NCOA2: variants seen among roughly 807,000 people sequenced by gnomAD.
NCOA2 encodes nuclear receptor coactivator 2, also known as class E basic helix-loop-helix protein 75.
Under a neutral mutation model 145.1 loss-of-function variants are expected in NCOA2, and 21 were observed. The ratio of observed to expected loss-of-function variants is 0.14; its 90% CI spans 0.10 to 0.21. The LOEUF is 0.21. Among genes scored for constraint, NCOA2 ranks in the 10% least tolerant of loss-of-function variants. The pLI is 1.00. For missense variants in NCOA2, 1,472 were observed against 1,837.6 expected, an observed-to-expected ratio of 0.80 and a Z score of 3.64; for synonymous variants, 619 against 637.5, an observed-to-expected ratio of 0.97 and a Z score of 0.44.
intron 4 of NCOA2, among the ~76,000 whole-genome samples, chr8:70,184,609 A>G (rs1276982272): frequency 1.3e-5 from 2 of 152,168 alleles, no homozygotes; most frequent in African/African-American, 4.8e-5. Flanking sequence ...GAGGCTGCCA[A>G]GGTTCTTCCT....
chr8:70,294,857 A>G (rs1826965734), intron 2 of NCOA2, among the ~76,000 whole-genome samples: 1 of 152,244 alleles, frequency 6.6e-6, no homozygotes, highest in South Asian at 2.1e-4. Flanking sequence ...TGCCTAGCAT[A>G]CAGTAAAAGA....
At chr8:70,378,790 C>T (rs1291346158) in intron 1 of NCOA2, among the ~76,000 whole-genome samples, 1 of 145,936 alleles carries the variant, frequency 6.9e-6, no homozygotes, top group Non-Finnish European at 1.5e-5. Flanking sequence ...GTTATTCAAT[C>T]AACTCTGCTA....
intron 1 of NCOA2, among the ~76,000 whole-genome samples, chr8:70,398,396 C>CTA (rs749842289): frequency 6.6e-6 from 1 of 152,028 alleles, no homozygotes; most frequent in Non-Finnish European, 1.5e-5. Flanking sequence ...GAGGTCAAGG[C>CTA]TATACAGTGA....
intron 1 of NCOA2, among the ~76,000 whole-genome samples, chr8:70,361,776 G>A (rs72663982): frequency 0.031 from 4,657 of 152,224 alleles, 93 homozygotes; most frequent in South Asian, 0.064. Context: ...CAATACTTAC[G>A]ACGCTCAATC....
intron 10 of NCOA2, among the ~76,000 whole-genome samples, chr8:70,159,242 A>ATATATATATATTTTTTTTT: frequency 4.9e-5 from 3 of 61,074 alleles, no homozygotes; most frequent in African/African-American, 1.6e-4. Flanking sequence ...ATATATATAT[A>ATATATATATATTTTTTTTT]TTTTTTTTTT....
At chr8:70,302,488 T>G (rs1467660141) in intron 1 of NCOA2, among the ~76,000 whole-genome samples, 1 of 152,218 alleles carries the variant, frequency 6.6e-6, no homozygotes, top group Non-Finnish European at 1.5e-5. Flanking sequence ...GTAATTTTCA[T>G]TCTCCAAAGT....
intron 1 of NCOA2, among the ~76,000 whole-genome samples, chr8:70,337,664 TA>T (rs1807734058): frequency 6.6e-6 from 1 of 152,034 alleles, no homozygotes; most frequent in African/African-American, 2.4e-5. Flanking sequence ...CAAGTTTCTG[TA>T]AAAGAAATGA....
chr8:70,116,551 A>C (rs1167537665), intron 22 of NCOA2, among the ~76,000 whole-genome samples: 6 of 152,196 alleles, frequency 3.9e-5, no homozygotes, highest in Admixed American at 6.5e-5. Context: ...CGTCTCAAAA[A>C]AAAAAAAAAT....
chr8:70,456,162 C>T, the NCOA2 span, among the ~76,000 whole-genome samples: 6 of 152,024 alleles, frequency 3.9e-5, no homozygotes, highest in African/African-American at 7.2e-5. Context: ...CATTTAACCT[C>T]TGTGGGCCTC....
chr8:70,386,979 T>C (rs1039368052), intron 1 of NCOA2, among the ~76,000 whole-genome samples: 4 of 152,184 alleles, frequency 2.6e-5, no homozygotes, highest in Non-Finnish European at 2.9e-5. Context: ...GGCATGATCA[T>C]GGCTTACTGC....
At chr8:70,351,072 A>G (rs1809142120) in intron 1 of NCOA2, among the ~76,000 whole-genome samples, 1 of 152,206 alleles carries the variant, frequency 6.6e-6, no homozygotes, top group South Asian at 2.1e-4. Flanking sequence ...CATTGTTGCA[A>G]TAACAAACCC....
chr8:70,441,812 GAAAGAAGAAAGAAGAAAGA>G, the NCOA2 span, among the ~76,000 whole-genome samples: 1 of 140,154 alleles, frequency 7.1e-6, no homozygotes, highest in African/African-American at 2.7e-5. Flanking sequence ...AAGAAAGAAA[GAAAGAAGAAAGAAGAAAGA>G]AAGAAAGAAA....
At chr8:70,128,609 G>C (rs774632728) in intron 17 of NCOA2, 93 bp downstream of exon 17, 11 of 1,589,550 alleles carry the variant, frequency 6.9e-6, no homozygotes, top group Admixed American at 5.0e-5. Flanking sequence ...CCCAGTATCT[G>C]CACATTGTTG....
intron 2 of NCOA2, among the ~76,000 whole-genome samples, chr8:70,272,661 A>T (rs2135322913): frequency 6.6e-6 from 1 of 152,316 alleles, no homozygotes; most frequent in African/African-American, 2.4e-5. Context: ...CAGAAAAATG[A>T]AACACTAGTG....
At chr8:70,161,360 A>C (rs940909266) in intron 9 of NCOA2, among the ~76,000 whole-genome samples, 1 of 152,230 alleles carries the variant, frequency 6.6e-6, no homozygotes, top group African/African-American at 2.4e-5. Flanking sequence ...ATTTTAAACC[A>C]GATGTAATGA....
chr8:70,359,935 A>G (rs1266274588), intron 1 of NCOA2, among the ~76,000 whole-genome samples: 1 of 152,156 alleles, frequency 6.6e-6, no homozygotes, highest in Non-Finnish European at 1.5e-5. Flanking sequence ...TGCAGTGTCT[A>G]TCTCTCCCAG....
At chr8:70,414,035 TATG>T in the NCOA2 span, among the ~76,000 whole-genome samples, 3 of 152,248 alleles carry the variant, frequency 2.0e-5, no homozygotes, top group South Asian at 2.1e-4. Context: ...TCTGTGTATA[TATG>T]ATATTTAGTT....
At chr8:70,305,539 T>TGTCA (rs1431223645) in intron 1 of NCOA2, among the ~76,000 whole-genome samples, 4 of 152,144 alleles carry the variant, frequency 2.6e-5, no homozygotes, top group African/African-American at 9.7e-5. Flanking sequence ...CGGACCCGGA[T>TGTCA]GTCAAACCCA....
intron 1 of NCOA2, among the ~76,000 whole-genome samples, chr8:70,350,379 G>GT (rs1291107456): frequency 6.6e-6 from 1 of 151,878 alleles, no homozygotes; most frequent in Non-Finnish European, 1.5e-5. Context: ...CTGCAGTTAG[G>GT]TTTTTTTCCT....
Sources: gnomAD v4.1 joint callset for allele counts (sites outside exome capture counted in the v4.1 genomes callset) on GRCh38, gnomAD v4.1.1 for gene constraint, MANE v1.5 for transcripts, NCBI Gene and HGNC (gene_info 2026-07-23, HGNC 2026-07-21) for gene names.